The following FCMR variants were observed in gnomAD, a reference collection of about 807,000 sequenced individuals.
The protein encoded by FCMR is immunoglobulin mu Fc receptor.
In FCMR, 34 loss-of-function variants were observed where a neutral mutation model predicts 41.6. The observed-to-expected ratio is 0.82, with a 90% confidence interval of 0.62 to 1.09. The LOEUF (loss-of-function observed/expected upper bound fraction) is 1.09, where lower values mean the gene tolerates loss of function less well. Among genes scored for constraint, FCMR ranks in the 50% least tolerant of loss-of-function variants. FCMR has a pLI of 0.00. For missense variants in FCMR, 496 were observed against 512.5 expected, an observed-to-expected ratio of 0.97 and a Z score of 0.31; for synonymous variants, 209 against 211.8, an observed-to-expected ratio of 0.99 and a Z score of 0.12.
intron 5 of FCMR, 151 bp from the exon 6 acceptor site, chr1:206,910,019 C>G (rs1678857110): frequency 8.6e-7 from 1 of 1,160,040 alleles, no homozygotes; most frequent in African/African-American, 1.6e-5. Context: ...CACGGCCTTG[C>G]CCTGCCCTGA....
At chr1:206,917,793 AT>A (rs36032902) in intron 1 of FCMR, 89,986 of 392,342 alleles carry the variant, frequency 0.23, 15 homozygotes, top group South Asian at 0.33. Context: ...TGTGTGGCGA[AT>A]TTTTTTTTTT....
intron 1 of FCMR, among the ~76,000 whole-genome samples, chr1:206,914,724 C>T (rs1299514445): frequency 6.6e-6 from 1 of 152,030 alleles, no homozygotes; most frequent in African/African-American, 2.4e-5. Context: ...CACGCCCAAC[C>T]CTTATTCTCA....
At chr1:206,910,530 T>C (rs557358634) in intron 4 of FCMR, among the ~76,000 whole-genome samples, 190 bp from the exon 5 acceptor site, 7 of 152,352 alleles carry the variant, frequency 4.6e-5, no homozygotes, top group African/African-American at 1.7e-4. Context: ...CAAATTCATA[T>C]TCCGCCTTTT....
chr1:206,912,783 G>A (rs1422972604), intron 3 of FCMR, 146 bp downstream of exon 3: 2 of 634,650 alleles, frequency 3.2e-6, no homozygotes, highest in Non-Finnish European at 3.0e-6. Flanking sequence ...GGAGGTATGT[G>A]CCCTCTCTAA....
intron 1 of FCMR, among the ~76,000 whole-genome samples, chr1:206,918,932 A>C (rs1679314772): frequency 6.6e-6 from 1 of 152,038 alleles, no homozygotes. Context: ...CAAATACTAT[A>C]TATCTGAATA....
At chr1:206,923,039 T>G (rs1278934420), upstream of FCMR, 1 of 152,190 alleles carries the variant, frequency 6.6e-6, no homozygotes, top group Non-Finnish European at 1.5e-5. Flanking sequence ...ATGAGGGCAT[T>G]CTCAGGGCTC....
chr1:206,909,885 C>A lies in FCMR; in HGVS notation c.842-17G>T, dbSNP rs962332990. On this transcript the variant is annotated splice_polypyrimidine_tract_variant and intron_variant, in intron 5 of 7. Coordinates refer to ENST00000367091, the MANE Select transcript of FCMR (RefSeq NM_005449.5). The surrounding 1 kb of genome is among the most constrained non-coding windows in gnomAD (Gnocchi z 5.0). Reference sequence around the variant, plus strand: ...TGGAGAGGGCTTCCCCACAAAGCCACGGGAAGAGGGAGGAAAATGGCATCA... The same window carrying A: ...TGGAGAGGGCTTCCCCACAAAGCCAAGGGAAGAGGGAGGAAAATGGCATCA... The A allele has an allele frequency of 2.9e-6, 4 of 1,371,896 alleles. No individual in the cohort carries two copies. The Middle Eastern group carries it at 7.9e-4, about 272-fold the overall frequency. The allele number at this position is 1,371,896 out of a possible 1,614,324, so 85.0% of individuals were successfully genotyped here.
intron 3 of FCMR, among the ~76,000 whole-genome samples, chr1:206,912,200 C>T (rs1015706362): frequency 6.6e-6 from 1 of 152,156 alleles, no homozygotes; most frequent in African/African-American, 2.4e-5. Context: ...GAGCTTGCCC[C>T]CTCTGAGCAG....
In FCMR at chr1:206,910,343, G is replaced by A. The variant is rs1193393087; in HGVS notation, c.711-3C>T. The A allele has an allele frequency of 6.5e-7, 1 of 1,542,022 alleles. No individual in the cohort carries two copies. The highest frequency in any genetic ancestry group is 1.2e-5 in the South Asian group (1 of 81,000). On this transcript the variant is annotated splice_polypyrimidine_tract_variant and splice_region_variant and intron_variant, in intron 4 of 7. Transcript: ENST00000367091. ...ACTGTGAGCCATAGTCCAGTGCTCT[G>A]GGGAGGGAAGGAAAGGGAGAGAGGG...
chr1:206,917,077 G>A (rs1251401566), intron 1 of FCMR, among the ~76,000 whole-genome samples: 2 of 152,222 alleles, frequency 1.3e-5, no homozygotes, highest in Non-Finnish European at 2.9e-5. Flanking sequence ...GTAGGGAAGA[G>A]GGGGATATGT....
intron 7 of FCMR, chr1:206,907,699 A>G (rs1678730174): frequency 1.2e-6 from 1 of 853,904 alleles, no homozygotes; most frequent in South Asian, 1.3e-5. Context: ...CTAACTAGGT[A>G]CTGCTGGGCT....
Position 206,904,831 on chromosome 1 carries a change from GT to G in FCMR, c.*187del. ...CTGTCAACTACAGGGGGCTGCCAAG[GT>G]GTGCAAGACGACCTGGGGGCAGAGC... On this transcript the variant is annotated 3_prime_UTR_variant, in exon 8 of 8. Coordinates refer to ENST00000367091, the MANE Select transcript of FCMR (RefSeq NM_005449.5). 7 of 621,518 alleles carry G rather than the reference GT, an allele frequency of 1.1e-5. No homozygotes were observed. In the South Asian group the frequency reaches 1.3e-4, roughly 12 times the overall value. 38.5% of individuals were successfully genotyped at this position (621,518 alleles called of 1,614,324 possible).
intron 1 of FCMR, among the ~76,000 whole-genome samples, chr1:206,918,971 C>A (rs1464027152): frequency 6.6e-6 from 1 of 152,040 alleles, no homozygotes; most frequent in Non-Finnish European, 1.5e-5. Context: ...AGCTAATAAA[C>A]TGTTAAATAA....
intron 7 of FCMR, chr1:206,907,677 C>T (rs1036168587): frequency 9.9e-5 from 80 of 807,018 alleles, no homozygotes; most frequent in Middle Eastern, 4.6e-4. Flanking sequence ...GGCCCCCTGG[C>T]GGCCATCGTG....
intron 1 of FCMR, among the ~76,000 whole-genome samples, chr1:206,918,084 A>G (rs1679268057): frequency 6.6e-6 from 1 of 152,174 alleles, no homozygotes; most frequent in South Asian, 2.1e-4. Flanking sequence ...CGTGTCCAGT[A>G]TTCCACTGAA....
Position 206,905,095 on chromosome 1 carries a change from T to C in FCMR, c.1097A>G (p.Tyr366Cys), listed in dbSNP as rs1208336957. The C allele has an allele frequency of 1.9e-6, 3 of 1,614,048 alleles. No homozygotes were observed. The highest frequency in any genetic ancestry group is 1.6e-4 in the Middle Eastern group (1 of 6,062). ...GGCAGGCTGGTGGTAGAGGCTCACG[T>C]ATTCACAGCTGGTCTTCAGAGATGG... Reference protein sequence around the residue: ...HAPSLKTSCEYVSLYHQPAAM... With the variant: ...HAPSLKTSCECVSLYHQPAAM... The change falls in exon 8 of 8, where the codon TAC (tyrosine) becomes TGC (cysteine). Residue 366 changes from tyrosine to cysteine, a missense_variant. Tyr to Cys is a radical substitution (Grantham distance 194, BLOSUM62 -2). Transcript: ENST00000367091.
At chr1:206,915,986 AG>A (rs747175119) in intron 1 of FCMR, among the ~76,000 whole-genome samples, 42 of 90,994 alleles carry the variant, frequency 4.6e-4, no homozygotes, top group South Asian at 3.5e-3. Context: ...GGAGGGGGAA[AG>A]GGGGTTGGGG....
Position 206,914,069 on chromosome 1 carries a change from T to C in FCMR, c.63A>G (p.Pro21=), listed in dbSNP as rs772180359. 1.2e-6 allele frequency: 2 copies of C among 1,614,026 alleles called. No individual in the cohort carries two copies. The highest frequency in any genetic ancestry group is 1.7e-6 in the Non-Finnish European group (2 of 1,179,912). ...LPVSGALRIL[P]EVKVEGELGG... ...CCAGCTCCCCCTCTACCTTTACTTC[T>C]GGGAGGATCCTCAGGGCCCCCGATA... Residue 21 remains proline (P), a synonymous_variant, in exon 2 of 8, where the codon CCA becomes CCG. Transcript: ENST00000367091.
intron 1 of FCMR, among the ~76,000 whole-genome samples, chr1:206,914,310 TTTCC>T (rs139221448): frequency 0.11 from 15,978 of 145,372 alleles, 1,130 homozygotes; most frequent in Non-Finnish European, 0.16. Flanking sequence ...TTTTCTTTTC[TTTCC>T]TTCCTTCCTT....
Sources: gnomAD v4.1 joint callset for allele counts (sites outside exome capture counted in the v4.1 genomes callset) on GRCh38, gnomAD v4.1.1 for gene constraint, Gnocchi (gnomAD v3.1) non-coding constraint, MANE v1.5 for transcripts, NCBI Gene and HGNC (gene_info 2026-07-23, HGNC 2026-07-21) for gene names.